The following GRAMD1B variants were observed in gnomAD, a reference collection of about 807,000 sequenced individuals.
The protein encoded by GRAMD1B is protein Aster-B.
In GRAMD1B, 37 loss-of-function variants were observed where a neutral mutation model predicts 99.7. The observed-to-expected ratio is 0.37, with a 90% CI of 0.29 to 0.49. The LOEUF (loss-of-function observed/expected upper bound fraction) is 0.49. Ranked by LOEUF, GRAMD1B falls within the 20% of genes least tolerant of loss-of-function variation. The pLI, the probability that GRAMD1B is intolerant of heterozygous loss-of-function variation, is 0.98. For synonymous variants in GRAMD1B, 427 were observed against 387.6 expected, an observed-to-expected ratio of 1.10 and a Z score of -1.19; for missense variants, 888 against 1,009.2, an observed-to-expected ratio of 0.88 and a Z score of 1.63.
At chr11:123,543,360 T>G (rs1226979456) in intron 2 of GRAMD1B, among the ~76,000 whole-genome samples, 1 of 152,196 alleles carries the variant, frequency 6.6e-6, no homozygotes, top group Non-Finnish European at 1.5e-5. Context: ...TTCAGGAAGC[T>G]GGTAAAGAAC....
At chr11:123,466,247 G>T (rs1180814635) in intron 1 of GRAMD1B, among the ~76,000 whole-genome samples, 1 of 151,464 alleles carries the variant, frequency 6.6e-6, no homozygotes, top group Non-Finnish European at 1.5e-5. Flanking sequence ...CTGCACTCCA[G>T]CGTGGGTGAC....
chr11:123,401,436 C>T (rs973840031), intron 1 of GRAMD1B, among the ~76,000 whole-genome samples: 1 of 152,378 alleles, frequency 6.6e-6, no homozygotes, highest in African/African-American at 2.4e-5. Context: ...CCGTGCAGAG[C>T]ACATGCTCTT....
intron 3 of GRAMD1B, among the ~76,000 whole-genome samples, chr11:123,581,076 C>T (rs1040906650): frequency 6.6e-6 from 1 of 152,106 alleles, no homozygotes; most frequent in Non-Finnish European, 1.5e-5. Flanking sequence ...TCCAGACTCC[C>T]GGAGCCTTCG....
At chr11:123,454,491 T>C (rs1950025461) in intron 1 of GRAMD1B, 1 of 152,208 alleles carries the variant, frequency 6.6e-6, no homozygotes, top group Non-Finnish European at 1.5e-5. Context: ...GCAGGCTCTA[T>C]TGTCTGTTAG....
At chr11:123,391,357 C>T (rs1207219616) in intron 1 of GRAMD1B, among the ~76,000 whole-genome samples, 4 of 152,174 alleles carry the variant, frequency 2.6e-5, no homozygotes, top group Non-Finnish European at 5.9e-5. Context: ...CTTGTATAAT[C>T]TATTGTTCCT....
At chr11:123,554,785 C>A (rs1013020776) in intron 2 of GRAMD1B, among the ~76,000 whole-genome samples, 1 of 152,242 alleles carries the variant, frequency 6.6e-6, no homozygotes, top group South Asian at 2.1e-4. Context: ...ATAACAGATG[C>A]CTCTTGTTAT....
rs1953366887 is a variant in GRAMD1B, at chr11:123,610,339, G to A, written c.1919+1G>A. ...TGGCTCGGAACAAGAGCCGACTCAG[G>A]TGTGGTGTGTGGAAGTCCCAGTGCG... On this transcript the variant is annotated splice_donor_variant, in intron 14 of 19. Transcript: ENST00000635736. LOFTEE classifies it high-confidence loss of function. The surrounding 1 kb of genome is among the most constrained non-coding windows in gnomAD (Gnocchi z 4.1). The A allele has an allele frequency of 1.2e-6, 2 of 1,613,790 alleles. No individual in the cohort carries two copies. The highest frequency in any genetic ancestry group is 1.7e-5 in the Admixed American group (1 of 60,006).
rs1010405515 is a variant in GRAMD1B at position 123,385,693 on chromosome 11, C to T, written c.-176+26894C>T. ...GGTTCTTTATACCCCTCTTCTCCCC[C>T]TTAGTATTGCAAAGCTTCTTGAGGG... On this transcript the variant is annotated intron_variant, in intron 1 of 20. Transcript: ENST00000638157. Among the ~76,000 whole-genome samples the T allele has an allele frequency of 2.8e-4, 42 of 152,256 alleles. 2 individuals carry two copies. Among genetic ancestry groups the T allele is most frequent in the African/African-American group, 1.0e-3 (42 of 41,544 alleles).
chr11:123,475,940 G>A (rs550069445), intron 1 of GRAMD1B, among the ~76,000 whole-genome samples: 5 of 152,214 alleles, frequency 3.3e-5, no homozygotes, highest in African/African-American at 9.6e-5. Flanking sequence ...TGAGTTGCCT[G>A]GGGTCCAGGT....
rs546071231 is a variant in GRAMD1B at position 123,399,776 on chromosome 11, C to T, written c.-176+40977C>T. Among the ~76,000 whole-genome samples, 67 of 152,244 alleles carry T rather than the reference C, an allele frequency of 4.4e-4. 1 individual carries two copies. In the South Asian group the frequency reaches 0.012, roughly 27 times the overall value. On this transcript the variant is annotated intron_variant, in intron 1 of 20. Transcript: ENST00000638157. ...ATGTGCACCACCCACCACGCCACCACGTCTGGCTAATTTTTGTATTTTTAG... is the reference window on the plus strand; with the variant it reads ...ATGTGCACCACCCACCACGCCACCATGTCTGGCTAATTTTTGTATTTTTAG...
At chr11:123,454,481 G>T (rs944527232) in intron 1 of GRAMD1B, 1 of 152,180 alleles carries the variant, frequency 6.6e-6, no homozygotes, top group Non-Finnish European at 1.5e-5. Flanking sequence ...ATCAGCCAAC[G>T]CAGGCTCTAT....
intron 1 of GRAMD1B, among the ~76,000 whole-genome samples, chr11:123,402,508 C>T (rs756528296): frequency 3.9e-5 from 6 of 152,202 alleles, no homozygotes; most frequent in African/African-American, 7.2e-5. Context: ...ATTGTTACAA[C>T]AGCAAGGCAG....
At chr11:123,606,533 G>A (rs1385924324) in intron 10 of GRAMD1B, 76 bp from the exon 11 acceptor site, 18 of 1,322,356 alleles carry the variant, frequency 1.4e-5, no homozygotes, top group African/African-American at 7.3e-5. Flanking sequence ...TGCCAAGGCT[G>A]CATCCCTAAT....
At chr11:123,402,773 G>T (rs1947711991) in intron 1 of GRAMD1B, among the ~76,000 whole-genome samples, 1 of 152,114 alleles carries the variant, frequency 6.6e-6, no homozygotes, top group Non-Finnish European at 1.5e-5. Flanking sequence ...AGGAAGTAAA[G>T]GTGGTTTTAA....
At chr11:123,406,226 C>T (rs1333525615) in intron 1 of GRAMD1B, among the ~76,000 whole-genome samples, 1 of 150,634 alleles carries the variant, frequency 6.6e-6, no homozygotes, top group Non-Finnish European at 1.5e-5. Flanking sequence ...TCTGGGATTA[C>T]AGGTGTGAGC....
intron 1 of GRAMD1B, among the ~76,000 whole-genome samples, chr11:123,376,580 T>A (rs1443430195): frequency 6.6e-6 from 1 of 152,180 alleles, no homozygotes; most frequent in African/African-American, 2.4e-5. Flanking sequence ...AGAATTGAAA[T>A]CCTGATAGGC....
intron 1 of GRAMD1B, among the ~76,000 whole-genome samples, chr11:123,433,679 C>CGTGTGTGTGT (rs59262021): frequency 3.5e-5 from 5 of 142,980 alleles, no homozygotes; most frequent in Non-Finnish European, 7.8e-5. Context: ...ATGTTACGTG[C>CGTGTGTGTGT]GTGTGTGTGT....
rs1372779306 is a variant in GRAMD1B, at chr11:123,430,876, G to A, written c.84G>A (p.Pro28=). The change falls in exon 1 of 20, where the codon CCG becomes CCA. Residue 28 remains proline, a synonymous_variant. Coordinates refer to ENST00000635736, the MANE Select transcript of GRAMD1B (RefSeq NM_001387025.1). ...CGCAGGGTGCGCCCGAGGGCAGCCC[G>A]GTCTGGTCCAGTTCGTCGACCCCCA... ...PEPQGAPEGS[P]VWSSSSTPTL... 2 of 702,240 alleles carry A rather than the reference G, an allele frequency of 2.8e-6. No individual in the cohort carries two copies. Among genetic ancestry groups the A allele is most frequent in the South Asian group, 1.5e-5 (1 of 67,580 alleles). The allele number at this position is 702,240 out of a possible 1,614,324, so 43.5% of individuals were successfully genotyped here.
Position 123,603,535 on chromosome 11 carries a change from C to G in GRAMD1B, c.1160C>G (p.Thr387Arg). ...GTGCCCCCTGACGACGACTTCAACA[C>G]AATGGGGTGAGTGAGGCCAAGGGCG... ...DYVPPDDDFN[T>R]MGYCEEIPVE... is the part of the protein sequence containing the mutation. The change falls in exon 9 of 20, where the codon ACA (threonine) becomes AGA (arginine). Residue 387 changes from threonine to arginine, a missense_variant. By Grantham distance (71) the Thr-to-Arg change is moderately conservative. Around this residue, in one of 5 missense-constraint regions of GRAMD1B, gnomAD observed 269 missense variants for 296.6 expected, o/e 0.91. Transcript: ENST00000635736. The G allele has an allele frequency of 2.5e-6, 4 of 1,603,850 alleles. No individual in the cohort carries two copies.
Sources: gnomAD v4.1 joint callset for allele counts (sites outside exome capture counted in the v4.1 genomes callset) on GRCh38, gnomAD v4.1.1 for gene constraint, gnomAD v4.1.1 regional missense constraint, Gnocchi (gnomAD v3.1) non-coding constraint, MANE v1.5 for transcripts, NCBI Gene and HGNC (gene_info 2026-07-23, HGNC 2026-07-21) for gene names.